The following CENPM variants were observed in gnomAD, a reference collection of about 807,000 sequenced individuals.
CENPM encodes the protein interphase centromere complex protein 39.
Under a neutral mutation model 19.6 loss-of-function variants are expected in CENPM, and 14 were observed. The observed-to-expected ratio is 0.71, with a 90% CI of 0.47 to 1.11. The LOEUF (loss-of-function observed/expected upper bound fraction) is 1.11. Ranked by LOEUF, CENPM falls within the 50% of genes most tolerant of loss-of-function variation. The pLI is 0.00. For missense variants in CENPM, 239 were observed against 228.4 expected (o/e 1.05, Z -0.30); for synonymous variants, 114 against 101.5 (o/e 1.12, Z -0.74).
the CENPM span, among the ~76,000 whole-genome samples, chr22:41,932,430 T>C: frequency 6.6e-6 from 1 of 152,052 alleles, no homozygotes; most frequent in Non-Finnish European, 1.5e-5. This position sits in a 1 kb window ranked among gnomAD's most constrained non-coding sequence, Gnocchi z 4.3. Flanking sequence ...CAGATCCCGT[T>C]CCTCCCCGAA....
the CENPM span, among the ~76,000 whole-genome samples, chr22:41,931,695 G>T: frequency 6.6e-6 from 1 of 151,290 alleles, no homozygotes; most frequent in Non-Finnish European, 1.5e-5. Context: ...GCCTGCAGGG[G>T]GTCTGTGTCC....
the CENPM span, among the ~76,000 whole-genome samples, chr22:41,932,771 C>T: frequency 2.0e-5 from 3 of 152,294 alleles, no homozygotes; most frequent in Non-Finnish European, 2.9e-5. This position sits in a 1 kb window ranked among gnomAD's most constrained non-coding sequence, Gnocchi z 4.3. Context: ...GGGAGAGGAA[C>T]GGGGGCCCCC....
At chr22:41,933,149 C>T in the CENPM span, among the ~76,000 whole-genome samples, 4 of 152,146 alleles carry the variant, frequency 2.6e-5, no homozygotes, top group Admixed American at 2.0e-4. Context: ...CAGAGAAGGC[C>T]CAGTGACCAG....
chr22:41,939,878 AAAAGAAAGAAAG>A (rs1268180534), intron 5 of CENPM, among the ~76,000 whole-genome samples: 2 of 73,004 alleles, frequency 2.7e-5, no homozygotes, highest in Non-Finnish European at 4.9e-5. Context: ...GAAAGAAAGA[AAAAGAAAGAAAG>A]AAAGAAAGAA....
At chr22:41,946,530 T>C in intron 1 of CENPM, 34 bp from the exon 2 acceptor site, 1 of 1,583,596 alleles carries the variant, frequency 6.3e-7, no homozygotes, top group Non-Finnish European at 8.7e-7. Flanking sequence ...AGTCGAGCCC[T>C]AGGCACAGCA....
the CENPM span, among the ~76,000 whole-genome samples, chr22:41,931,335 C>T: frequency 1.3e-5 from 2 of 151,054 alleles, no homozygotes; most frequent in Admixed American, 6.6e-5. Context: ...AAAAATTAGC[C>T]GGGTGTCGTA....
At chr22:41,932,790 C>T in the CENPM span, among the ~76,000 whole-genome samples, 1 of 152,206 alleles carries the variant, frequency 6.6e-6, no homozygotes, top group Admixed American at 6.5e-5. This position sits in a 1 kb window ranked among gnomAD's most constrained non-coding sequence, Gnocchi z 4.3. Context: ...CCAGGGCCAA[C>T]CTCCCAGGCC....
chr22:41,931,738 T>C, the CENPM span, among the ~76,000 whole-genome samples: 1 of 151,802 alleles, frequency 6.6e-6, no homozygotes, highest in Non-Finnish European at 1.5e-5. Flanking sequence ...GGGCCCTACA[T>C]GCTTCAGGGA....
At chr22:41,940,437 G>A (rs2077729435) in intron 5 of CENPM, among the ~76,000 whole-genome samples, 1 of 152,162 alleles carries the variant, frequency 6.6e-6, no homozygotes, top group Non-Finnish European at 1.5e-5. Context: ...CCAGGCTGGA[G>A]TGCAGTGGCA....
chr22:41,946,407 G>A lies in CENPM; in HGVS notation c.137+10C>T, dbSNP rs747329415. ...ACACGTGGGCCCAGGCCACAGCCGC[G>A]GCTACTTACACCTTCAGCTCGGAGG... On this transcript the variant is annotated intron_variant, in intron 2 of 5. Transcript: ENST00000215980. The A allele has an allele frequency of 1.2e-6, 2 of 1,611,950 alleles. No homozygotes were observed. The highest frequency in any genetic ancestry group is 2.2e-5 in the South Asian group (2 of 90,900).
At chr22:41,942,623 T>A (rs2077751812) in intron 5 of CENPM, among the ~76,000 whole-genome samples, 1 of 151,692 alleles carries the variant, frequency 6.6e-6, no homozygotes, top group Non-Finnish European at 1.5e-5. Flanking sequence ...TGGTGGTGGG[T>A]GCCGGTAGTC....
chr22:41,940,154 C>A (rs1408753163), intron 5 of CENPM: 3 of 772,122 alleles, frequency 3.9e-6, no homozygotes, highest in Admixed American at 3.5e-5. Context: ...GCACACCAGG[C>A]AAGTCCCACA....
chr22:41,927,940 A>C, the CENPM span, among the ~76,000 whole-genome samples: 2 of 152,192 alleles, frequency 1.3e-5, no homozygotes, highest in Non-Finnish European at 2.9e-5. Flanking sequence ...GGAAGGCTTC[A>C]TGGAGAGGGC....
downstream of CENPM, among the ~76,000 whole-genome samples, chr22:41,935,008 G>A (rs754050161): frequency 1.6e-4 from 25 of 152,248 alleles, no homozygotes; most frequent in Non-Finnish European, 2.8e-4. Context: ...CAGCAGGTCT[G>A]AGGGCACCTG....
At position 41,939,017 on chromosome 22, in the gene CENPM, C is replaced by T. The variant is rs376167757; in HGVS notation, c.*39G>A. The T allele has an allele frequency of 5.0e-6, 8 of 1,608,782 alleles. No individual in the cohort carries two copies. Among genetic ancestry groups the T allele is most frequent in the African/African-American group, 4.0e-5 (3 of 74,862 alleles). On this transcript the variant is annotated 3_prime_UTR_variant, in exon 6 of 6. Coordinates refer to ENST00000215980, the MANE Select transcript of CENPM (RefSeq NM_024053.5). ...ACAGAGAATGTTTATGGAGTCAGCACGAAGCCATGAGAAGGGGCAGCCCAG... is the reference window on the plus strand; with the variant it reads ...ACAGAGAATGTTTATGGAGTCAGCATGAAGCCATGAGAAGGGGCAGCCCAG...
intron 3 of CENPM, 109 bp from the exon 4 acceptor site, chr22:41,945,413 G>C: frequency 1.3e-6 from 2 of 1,529,244 alleles, no homozygotes; most frequent in Non-Finnish European, 1.8e-6. Flanking sequence ...AATGACAAGA[G>C]GGTGACTTTC....
At chr22:41,946,834 G>T in intron 1 of CENPM, 186 bp downstream of exon 1, 1 of 625,370 alleles carries the variant, frequency 1.6e-6, no homozygotes, top group Non-Finnish European at 2.9e-6. Context: ...CCTATTGGTG[G>T]GTGCGTCCCT....
chr22:41,945,355 C>T (rs754262768), intron 3 of CENPM, 51 bp from the exon 4 acceptor site: 1 of 1,609,826 alleles, frequency 6.2e-7, no homozygotes. Context: ...CAAAACTTTA[C>T]AACGGAGAAA....
At chr22:41,946,693 C>T in intron 1 of CENPM, 197 bp from the exon 2 acceptor site, 1 of 602,214 alleles carries the variant, frequency 1.7e-6, no homozygotes, top group East Asian at 2.8e-5. Flanking sequence ...CCTGTGGGCA[C>T]CGCACTCTCT....
Sources: allele counts gnomAD v4.1 joint callset (sites outside exome capture counted in the v4.1 genomes callset), GRCh38; gene constraint gnomAD v4.1.1; non-coding constraint Gnocchi (gnomAD v3.1); transcripts MANE v1.5; gene names NCBI Gene and HGNC (gene_info 2026-07-23, HGNC 2026-07-21).